Variants in DIAPH3 observed in about 807,000 individuals in gnomAD.
DIAPH3 encodes protein diaphanous homolog 3.
A neutral mutation model predicts 144.3 loss-of-function variants in DIAPH3; 117 were observed. The ratio of observed to expected loss-of-function variants is 0.81; its 90% CI spans 0.70 to 0.95. The LOEUF (loss-of-function observed/expected upper bound fraction) is 0.95. DIAPH3 is among the 40% of genes least tolerant of loss of function. DIAPH3 has a pLI of 0.00. For missense variants in DIAPH3, 1,421 were observed against 1,412.7 expected, an observed-to-expected ratio of 1.01 and a Z score of -0.09; for synonymous variants, 519 against 488.9, an observed-to-expected ratio of 1.06 and a Z score of -0.81.
intron 4 of DIAPH3, among the ~76,000 whole-genome samples, chr13:60,048,509 C>A: frequency 6.6e-6 from 1 of 152,218 alleles, no homozygotes; most frequent in East Asian, 1.9e-4. Context: ...GAGTGCTACA[C>A]AGTCCCTATA....
chr13:59,740,140 T>C (rs187214111), intron 27 of DIAPH3, among the ~76,000 whole-genome samples: 15 of 152,352 alleles, frequency 9.8e-5, no homozygotes. Flanking sequence ...TACACTCATT[T>C]ATCTACTTAT....
chr13:60,040,240 A>AAAC (rs1293341349), intron 5 of DIAPH3, among the ~76,000 whole-genome samples: 1 of 150,506 alleles, frequency 6.6e-6, no homozygotes, highest in Non-Finnish European at 1.5e-5. Context: ...AAAAAAAAAA[A>AAAC]AAAAAAAAAA....
At chr13:59,938,934 T>C (rs531026288) in intron 17 of DIAPH3, among the ~76,000 whole-genome samples, 4 of 152,222 alleles carry the variant, frequency 2.6e-5, no homozygotes, top group African/African-American at 4.8e-5. Context: ...CAGTTAAACA[T>C]GGTTAAAACG....
chr13:59,719,773 A>C (rs1467699667), intron 27 of DIAPH3, among the ~76,000 whole-genome samples: 4 of 152,144 alleles, frequency 2.6e-5, no homozygotes, highest in African/African-American at 9.7e-5. Flanking sequence ...ACTGAGAGGC[A>C]GACTTGGGAA....
intron 1 of DIAPH3, among the ~76,000 whole-genome samples, chr13:60,148,268 A>C (rs1392511608): frequency 6.6e-6 from 1 of 152,216 alleles, no homozygotes; most frequent in Non-Finnish European, 1.5e-5. Flanking sequence ...AGCTCAAAAG[A>C]CCATCCTAAA....
At chr13:59,780,325 G>C (rs1441901583) in intron 25 of DIAPH3, among the ~76,000 whole-genome samples, 1 of 152,102 alleles carries the variant, frequency 6.6e-6, no homozygotes. Context: ...TTGGCAAAAG[G>C]AATAACAGGT....
intron 27 of DIAPH3, among the ~76,000 whole-genome samples, chr13:59,728,761 A>T (rs1201932633): frequency 6.6e-6 from 1 of 152,196 alleles, no homozygotes; most frequent in East Asian, 1.9e-4. Context: ...ACCAACACAC[A>T]GGAAAGTATT....
At chr13:59,777,540 A>G (rs976341611) in intron 25 of DIAPH3, among the ~76,000 whole-genome samples, 1 of 152,186 alleles carries the variant, frequency 6.6e-6, no homozygotes, top group Non-Finnish European at 1.5e-5. Context: ...ATGTAGAGGA[A>G]CAGGATATAG....
intron 22 of DIAPH3, among the ~76,000 whole-genome samples, chr13:59,844,674 G>A (rs1307156897): frequency 4.6e-5 from 7 of 151,788 alleles, no homozygotes; most frequent in African/African-American, 1.7e-4. Flanking sequence ...TTGTATTCCT[G>A]TTCATTCTTT....
intron 27 of DIAPH3, among the ~76,000 whole-genome samples, chr13:59,675,079 A>G (rs1054322974): frequency 2.6e-5 from 4 of 152,188 alleles, no homozygotes; most frequent in Non-Finnish European, 5.9e-5. Flanking sequence ...TTTTGTTTTT[A>G]GAGACAGGGT....
chr13:60,143,259 T>A (rs1214210568), intron 1 of DIAPH3, among the ~76,000 whole-genome samples: 1 of 152,148 alleles, frequency 6.6e-6, no homozygotes, highest in East Asian at 1.9e-4. Flanking sequence ...CACTTTTACA[T>A]CCTGCCTTGC....
At chr13:59,668,844 T>TACACACACAC (rs10640305) in intron 27 of DIAPH3, among the ~76,000 whole-genome samples, 2 of 148,254 alleles carry the variant, frequency 1.3e-5, no homozygotes, top group Admixed American at 6.8e-5. Context: ...TATGTATGTA[T>TACACACACAC]ACACACACAC....
chr13:59,709,339 T>A (rs2138815713), intron 27 of DIAPH3, among the ~76,000 whole-genome samples: 1 of 152,224 alleles, frequency 6.6e-6, no homozygotes, highest in African/African-American at 2.4e-5. Context: ...TTTCGCAACC[T>A]ACTCATCTGA....
chr13:59,732,704 A>T (rs796649791), intron 27 of DIAPH3, among the ~76,000 whole-genome samples: 59 of 152,052 alleles, frequency 3.9e-4, no homozygotes, highest in African/African-American at 1.4e-3. Context: ...AAGCCTCCCA[A>T]AGTGCTGGGA....
intron 17 of DIAPH3, among the ~76,000 whole-genome samples, chr13:59,945,789 G>A (rs1566554652): frequency 6.6e-6 from 1 of 152,098 alleles, no homozygotes; most frequent in African/African-American, 2.4e-5. Flanking sequence ...AAGAGGTACA[G>A]GTGAGTATTT....
chr13:59,999,868 G>C (rs2052421466), intron 9 of DIAPH3, among the ~76,000 whole-genome samples: 1 of 152,066 alleles, frequency 6.6e-6, no homozygotes, highest in Non-Finnish European at 1.5e-5. Flanking sequence ...CAAACCTCTT[G>C]CTTCTCATAG....
rs114123721 is a variant in DIAPH3 at position 59,884,902 on chromosome 13, G to C, written c.2368-5434C>G. ...AAGCTGCTATGCTAAAGTTATTTAA[G>C]AAAACTATACAAAAACAAAGTACAT... On this transcript the variant is annotated intron_variant, in intron 20 of 27. Coordinates refer to ENST00000400324, the MANE Select transcript of DIAPH3 (RefSeq NM_001042517.2). 7.8e-3 allele frequency among the ~76,000 whole-genome samples: 1,187 copies of C among 151,850 alleles called. 15 individuals carry two copies. Among genetic ancestry groups the C allele is most frequent in the African/African-American group, 0.027 (1,101 of 41,448 alleles).
intron 25 of DIAPH3, among the ~76,000 whole-genome samples, chr13:59,794,611 T>C (rs538188853): frequency 3.9e-5 from 6 of 152,310 alleles, no homozygotes; most frequent in South Asian, 4.1e-4. Flanking sequence ...CAATGCCACA[T>C]CCTTCTACTG....
At chr13:59,746,924 A>C (rs1037465209) in intron 27 of DIAPH3, among the ~76,000 whole-genome samples, 2 of 152,214 alleles carry the variant, frequency 1.3e-5, no homozygotes, top group Non-Finnish European at 2.9e-5. Context: ...TATGTTTTAA[A>C]AAGTAAAAAC....
Sources: allele counts gnomAD v4.1 joint callset (sites outside exome capture counted in the v4.1 genomes callset), GRCh38; gene constraint gnomAD v4.1.1; transcripts MANE v1.5; gene names NCBI Gene and HGNC (gene_info 2026-07-23, HGNC 2026-07-21).